Variants in COL27A1 observed in about 807,000 individuals in gnomAD.
COL27A1 encodes collagen type XXVII alpha 1 chain.
In COL27A1, 106 loss-of-function variants were observed where a neutral mutation model predicts 251.3. The ratio of observed to expected loss-of-function variants is 0.42; its 90% CI spans 0.36 to 0.50. COL27A1 has a LOEUF of 0.50. Ranked by LOEUF, COL27A1 falls within the 20% of genes least tolerant of loss-of-function variation. COL27A1 has a pLI of 0.00. For missense variants in COL27A1, 2,325 were observed against 2,522.8 expected (o/e 0.92, Z 1.68); for synonymous variants, 1,000 against 986.3 (o/e 1.01, Z -0.26).
Position 114,167,669 on chromosome 9 carries a change from C to G in COL27A1, c.134-20C>G, listed in dbSNP as rs750186045. 1 of 1,593,086 alleles carries G rather than the reference C, an allele frequency of 6.3e-7. No individual in the cohort carries two copies. Among genetic ancestry groups the G allele is most frequent in the East Asian group, 2.2e-5 (1 of 44,624 alleles). On this transcript the variant is annotated intron_variant, in intron 2 of 60. Transcript: ENST00000356083. ...GAGCAGGCCCTGACTGCGTCCTCTC[C>G]CCTTTTCCCTCCCTCTCAGATGTGG...
At chr9:114,206,856 T>G (rs1036373161) in intron 10 of COL27A1, among the ~76,000 whole-genome samples, 5 of 152,152 alleles carry the variant, frequency 3.3e-5, no homozygotes, top group African/African-American at 1.2e-4. Context: ...ACCTCTAGTC[T>G]GGTTATGTCA....
intron 7 of COL27A1, among the ~76,000 whole-genome samples, chr9:114,199,676 G>T (rs996623295): frequency 1.4e-4 from 21 of 152,122 alleles, no homozygotes; most frequent in African/African-American, 4.6e-4. Flanking sequence ...TGACCATTTG[G>T]CCTCCCTTCT....
At position 114,168,883 on chromosome 9, in the gene COL27A1, T is replaced by C. The variant is rs761975464; in HGVS notation, c.1328T>C (p.Leu443Pro). The C allele has an allele frequency of 2.5e-6, 4 of 1,613,500 alleles. No individual in the cohort carries two copies. Among genetic ancestry groups the C allele is most frequent in the Middle Eastern group, 3.3e-4 (2 of 6,060 alleles). Residue 443 changes from leucine to proline, a missense_variant, in exon 3 of 61, where the codon CTA becomes CCA. This residue lies in a region of COL27A1 where 1,183 missense variants were observed against 1,144.1 expected (regional missense o/e 1.03). Coordinates refer to ENST00000356083, the MANE Select transcript of COL27A1 (RefSeq NM_032888.4). ...CCCCCACCGCCCAGCACCCGGCCCC[T>C]ACCTCCTACCACCAGCTCCTCTAAA... Reference protein sequence around the residue: ...PRPPPPSTRPLPPTTSSSKKP... With the variant: ...PRPPPPSTRPPPPTTSSSKKP...
At chr9:114,200,156 C>T (rs1399454460) in intron 7 of COL27A1, among the ~76,000 whole-genome samples, 1 of 152,196 alleles carries the variant, frequency 6.6e-6, no homozygotes, top group Non-Finnish European at 1.5e-5. Context: ...GCTGAACTCC[C>T]GGTTCTGCCT....
At chr9:114,165,348 CAT>C (rs1564412959) in intron 2 of COL27A1, among the ~76,000 whole-genome samples, 9 of 150,348 alleles carry the variant, frequency 6.0e-5, no homozygotes, top group African/African-American at 2.0e-4. Flanking sequence ...ATCCATCATC[CAT>C]CCATCCATCC....
chr9:114,280,791 G>T (rs1380110817), intron 37 of COL27A1, among the ~76,000 whole-genome samples: 3 of 152,202 alleles, frequency 2.0e-5, no homozygotes, highest in African/African-American at 7.2e-5. Context: ...ATCTCTTTGG[G>T]ATAGCGTCAT....
rs183273412 is a variant in COL27A1 at position 114,311,066 on chromosome 9, C to T, written c.*371C>T. On this transcript the variant is annotated 3_prime_UTR_variant, in exon 61 of 61. Coordinates refer to ENST00000356083, the MANE Select transcript of COL27A1 (RefSeq NM_032888.4). Reference sequence around the variant, plus strand: ...GGAAGGGGGCGTCTCGTCAGCTGGTCCCTGCTAGGGAGCTATTGATGTGCA... The same window carrying T: ...GGAAGGGGGCGTCTCGTCAGCTGGTTCCTGCTAGGGAGCTATTGATGTGCA... 81 of 219,822 alleles carry T rather than the reference C, an allele frequency of 3.7e-4. No homozygotes were observed. The highest frequency in any genetic ancestry group is 1.7e-3 in the African/African-American group (75 of 44,568). 13.6% of individuals were successfully genotyped at this position (219,822 alleles called of 1,614,324 possible).
intron 36 of COL27A1, 27 bp downstream of exon 36, chr9:114,270,808 G>T: frequency 6.3e-7 from 1 of 1,588,464 alleles, no homozygotes; most frequent in Non-Finnish European, 8.6e-7. Context: ...GGCAGGGCCT[G>T]GGGACCCCGG....
At position 114,265,431 on chromosome 9, in the gene COL27A1, G is replaced by A; in HGVS notation, c.3349G>A (p.Gly1117Ser). 2 of 1,613,828 alleles carry A rather than the reference G, an allele frequency of 1.2e-6. No individual in the cohort carries two copies. Among genetic ancestry groups the A allele is most frequent in the Non-Finnish European group, 1.7e-6 (2 of 1,179,918 alleles). Residue 1117 changes from glycine (G) to serine (S), a missense_variant, in exon 32 of 61, where the codon GGT becomes AGT. Gly to Ser is a moderately conservative substitution (Grantham distance 56). Around this residue, in one of 4 missense-constraint regions of COL27A1, gnomAD observed 662 missense variants for 795.3 expected, o/e 0.83. Coordinates refer to ENST00000356083, the MANE Select transcript of COL27A1 (RefSeq NM_032888.4). ...TACCTTGTCTCTGCAGGGCATCCCG[G>A]GTCCCTCAGGCCCCCCAGGCACCAA... ...LGSRGFPGIP[G>S]PSGPPGTKGL...
At chr9:114,291,501 G>C (rs1000829894) in intron 48 of COL27A1, among the ~76,000 whole-genome samples, 1 of 152,214 alleles carries the variant, frequency 6.6e-6, no homozygotes, top group Non-Finnish European at 1.5e-5. Context: ...TGTAATCCCA[G>C]CATTTTGGAG....
chr9:114,301,209 T>G, intron 52 of COL27A1, 75 bp from the exon 53 acceptor site: 1 of 1,609,936 alleles, frequency 6.2e-7, no homozygotes, highest in Admixed American at 1.7e-5. Context: ...AGTGCCAGTC[T>G]GAGCCTCAGT....
chr9:114,301,509 C>T (rs776944987), intron 54 of COL27A1, 47 bp downstream of exon 54: 62 of 1,585,196 alleles, frequency 3.9e-5, no homozygotes, highest in Non-Finnish European at 5.1e-5. Flanking sequence ...GTGGGGCGGG[C>T]ACCCTGCATT....
At chr9:114,236,923 T>C (rs1832437718) in intron 17 of COL27A1, 58 bp from the exon 18 acceptor site, 1 of 1,540,912 alleles carries the variant, frequency 6.5e-7, no homozygotes, top group Non-Finnish European at 9.0e-7. Context: ...ACTGGGCGGC[T>C]GTTCACCTGG....
intron 37 of COL27A1, among the ~76,000 whole-genome samples, chr9:114,282,019 C>G (rs1361785185): frequency 1.3e-5 from 2 of 152,214 alleles, no homozygotes; most frequent in African/African-American, 2.4e-5. Context: ...ACCCCTGCAC[C>G]CAGGCCTCAC....
chr9:114,269,341 G>T (rs751772271), intron 35 of COL27A1, 47 bp downstream of exon 35: 1 of 1,415,982 alleles, frequency 7.1e-7, no homozygotes. Context: ...AGGGTGTGTG[G>T]GTGCCGCAGG....
At chr9:114,306,246 C>T (rs915800730) in intron 57 of COL27A1, 1 of 346,520 alleles carries the variant, frequency 2.9e-6, no homozygotes, top group African/African-American at 2.1e-5. Context: ...TCGCCTACCT[C>T]ATTCACGGGG....
chr9:114,233,442 C>A (rs74917144), intron 16 of COL27A1, among the ~76,000 whole-genome samples: 2,414 of 152,266 alleles, frequency 0.016, 72 homozygotes, highest in African/African-American at 0.054. Flanking sequence ...CCACCTCTGC[C>A]CCCCTTGCCC....
chr9:114,240,113 T>C, intron 19 of COL27A1, 107 bp from the exon 20 acceptor site: 1 of 1,015,136 alleles, frequency 9.9e-7, no homozygotes, highest in Non-Finnish European at 1.6e-6. Flanking sequence ...TGGGGTCCCA[T>C]CCCAGCAGGA....
intron 11 of COL27A1, 144 bp from the exon 12 acceptor site, chr9:114,210,838 T>C: frequency 1.4e-6 from 1 of 731,226 alleles, no homozygotes; most frequent in South Asian, 1.6e-5. Context: ...CTGATGTGCA[T>C]GTCACTGGGG....
Sources: gnomAD v4.1 joint callset for allele counts (sites outside exome capture counted in the v4.1 genomes callset) on GRCh38, gnomAD v4.1.1 for gene constraint, gnomAD v4.1.1 regional missense constraint, MANE v1.5 for transcripts, NCBI Gene and HGNC (gene_info 2026-07-23, HGNC 2026-07-21) for gene names.